The following ZFPM1 variants were observed in gnomAD, a reference collection of about 807,000 sequenced individuals.
ZFPM1 encodes the protein zinc finger protein ZFPM1.
A neutral mutation model predicts 46.3 loss-of-function variants in ZFPM1; 28 were observed. The observed-to-expected ratio is 0.60, with a 90% CI of 0.45 to 0.83. The LOEUF (loss-of-function observed/expected upper bound fraction) is 0.83. ZFPM1 is among the 40% of genes least tolerant of loss of function. The pLI, the probability that ZFPM1 is intolerant of heterozygous loss-of-function variation, is 0.00. For missense variants in ZFPM1, 1,878 were observed against 1,432.4 expected (o/e 1.31, Z -5.02); for synonymous variants, 957 against 675.9 (o/e 1.42, Z -6.45).
Position 88,533,816 on chromosome 16 carries a change from GGCCCGGCCCGCGCGCCC to G in ZFPM1, c.1859_1875del (p.Gly620AlafsTer46). 1 of 1,036,004 alleles carries G rather than the reference GGCCCGGCCCGCGCGCCC, an allele frequency of 9.7e-7. No homozygotes were observed. 64.2% of individuals were successfully genotyped at this position (1,036,004 alleles called of 1,614,324 possible). A position where few individuals can be genotyped will look rare whatever the true frequency, so the allele number is the denominator to read the frequency against. On this transcript the variant is annotated frameshift_variant, in exon 10 of 10. Transcript: ENST00000319555. LOFTEE classifies it low-confidence loss of function (END_TRUNC). ...CGCGCGCAGGCCCAAGGCGCCCCCC[GGCCCGGCCCGCGCGCCC>G]CCCGGCCAGCCCGCCGAACCCGACG...
At chr16:88,488,682 G>T (rs1057216794) in intron 2 of ZFPM1, among the ~76,000 whole-genome samples, 1 of 152,150 alleles carries the variant, frequency 6.6e-6, no homozygotes, top group Admixed American at 6.5e-5. Flanking sequence ...GCAGGGCCTG[G>T]TGGAGGGGCC....
At chr16:88,499,157 G>A (rs1315338919) in intron 3 of ZFPM1, among the ~76,000 whole-genome samples, 2 of 151,920 alleles carry the variant, frequency 1.3e-5, no homozygotes, top group African/African-American at 2.4e-5. Flanking sequence ...CTGACCTCCC[G>A]CACCCACCCC....
intron 1 of ZFPM1, among the ~76,000 whole-genome samples, chr16:88,483,552 T>A (rs905647450): frequency 1.3e-5 from 2 of 152,114 alleles, no homozygotes; most frequent in African/African-American, 4.8e-5. Context: ...GCCCCTCCCA[T>A]CCCCGTGTTT....
chr16:88,498,084 C>T (rs1482637932), intron 3 of ZFPM1, among the ~76,000 whole-genome samples: 1 of 152,178 alleles, frequency 6.6e-6, no homozygotes. Flanking sequence ...GGAGGGGGCC[C>T]TGGCGGATGG....
chr16:88,495,682 A>G (rs1321616395), intron 3 of ZFPM1, among the ~76,000 whole-genome samples: 2 of 152,152 alleles, frequency 1.3e-5, no homozygotes. Flanking sequence ...TCAGAGGCCC[A>G]CAGGACTTGC....
chr16:88,494,202 G>A (rs1217635228), intron 3 of ZFPM1, among the ~76,000 whole-genome samples: 1 of 152,124 alleles, frequency 6.6e-6, no homozygotes, highest in Non-Finnish European at 1.5e-5. Context: ...GTTCTACGGG[G>A]AGAAGCCGCC....
chr16:88,511,838 C>G (rs868522827), intron 3 of ZFPM1, among the ~76,000 whole-genome samples: 3 of 152,334 alleles, frequency 2.0e-5, no homozygotes, highest in South Asian at 2.1e-4. Flanking sequence ...GCATCCACCC[C>G]CAAGAGGCAC....
chr16:88,455,797 GC>G (rs1012902782), intron 1 of ZFPM1, among the ~76,000 whole-genome samples: 3 of 152,110 alleles, frequency 2.0e-5, no homozygotes, highest in African/African-American at 7.2e-5. Flanking sequence ...GCAGGGCGAG[GC>G]GGGAGCGCGG....
chr16:88,514,384 C>T lies in ZFPM1; in HGVS notation c.269-3C>T. The T allele has an allele frequency of 6.4e-7, 1 of 1,564,026 alleles. No individual in the cohort carries two copies. The highest frequency in any genetic ancestry group is 8.7e-7 in the Non-Finnish European group (1 of 1,155,026). On this transcript the variant is annotated splice_region_variant and splice_polypyrimidine_tract_variant and intron_variant, in intron 3 of 9. Transcript: ENST00000319555. ...GCCTCATGCCTGCGATGTCTCTCTG[C>T]AGACGAGCTGGAGCCGGTGGTGCAG...
intron 1 of ZFPM1, among the ~76,000 whole-genome samples, chr16:88,468,078 C>T (rs1163907171): frequency 5.7e-5 from 8 of 141,178 alleles, no homozygotes; most frequent in African/African-American, 7.9e-5. Flanking sequence ...CCGACCCACC[C>T]GCGAGCCCAC....
At chr16:88,513,298 T>C (rs772467105) in intron 3 of ZFPM1, 1 of 152,266 alleles carries the variant, frequency 6.6e-6, no homozygotes, top group Non-Finnish European at 1.5e-5. Context: ...TGCCATCTTA[T>C]CTGCCCTGGG....
At chr16:88,526,075 G>A (rs541172717) in intron 4 of ZFPM1, among the ~76,000 whole-genome samples, 4 of 152,278 alleles carry the variant, frequency 2.6e-5, no homozygotes, top group Admixed American at 1.3e-4. Flanking sequence ...GGCCAGGGCC[G>A]ATCCAACACA....
chr16:88,526,080 AAC>A (rs1421547732), intron 4 of ZFPM1, among the ~76,000 whole-genome samples: 2 of 152,160 alleles, frequency 1.3e-5, no homozygotes, highest in South Asian at 4.1e-4. Flanking sequence ...GGGCCGATCC[AAC>A]ACAGTGCTGG....
At chr16:88,465,200 C>T (rs903446595) in intron 1 of ZFPM1, among the ~76,000 whole-genome samples, 1 of 152,208 alleles carries the variant, frequency 6.6e-6, no homozygotes, top group South Asian at 2.1e-4. Flanking sequence ...AGTTAGCTCA[C>T]AGCAGGGCCC....
At chr16:88,460,196 C>T (rs889232509) in intron 1 of ZFPM1, among the ~76,000 whole-genome samples, 2 of 152,160 alleles carry the variant, frequency 1.3e-5, no homozygotes, top group Non-Finnish European at 2.9e-5. Context: ...GGGTCTGGAC[C>T]AAGCCAAGCC....
Position 88,514,513 on chromosome 16 carries a change from C to A in ZFPM1, c.395C>A (p.Ala132Glu). The A allele has an allele frequency of 2.6e-6, 4 of 1,559,308 alleles. No homozygotes were observed. The highest frequency in any genetic ancestry group is 3.5e-6 in the Non-Finnish European group (4 of 1,152,428). The change falls in exon 4 of 10, where the codon GCG becomes GAG. Residue 132 changes from alanine to glutamate, a missense_variant. Physicochemically the swap from Ala to Glu is moderately radical, Grantham distance 107. Coordinates refer to ENST00000319555, the MANE Select transcript of ZFPM1 (RefSeq NM_153813.3). Reference sequence around the variant, plus strand: ...ACCAGAGCCTCATCCCCCAGGCAGGCGGAGCCGGTAAGAAGCCCCCATCCC... The same window carrying A: ...ACCAGAGCCTCATCCCCCAGGCAGGAGGAGCCGGTAAGAAGCCCCCATCCC... ...VQTRASSPRQAEPSPALTLLL... is the reference protein window; with the variant it reads ...VQTRASSPRQEEPSPALTLLL...
At chr16:88,506,505 C>T (rs187113000) in intron 3 of ZFPM1, among the ~76,000 whole-genome samples, 554 of 10,980 alleles carry the variant, frequency 0.05, 11 homozygotes, top group Non-Finnish European at 9.8e-3. Flanking sequence ...TGAATGGGGG[C>T]GGGCGGGCAG....
intron 1 of ZFPM1, among the ~76,000 whole-genome samples, chr16:88,461,470 C>G (rs977701228): frequency 3.3e-5 from 5 of 152,196 alleles, no homozygotes; most frequent in Non-Finnish European, 7.4e-5. Context: ...CCTGGCCTGG[C>G]CTTGCTGTGA....
intron 3 of ZFPM1, among the ~76,000 whole-genome samples, chr16:88,505,732 C>A (rs1162565990): frequency 1.3e-5 from 2 of 152,132 alleles, no homozygotes; most frequent in Non-Finnish European, 2.9e-5. Context: ...CCCACCCAGG[C>A]CCCCTGCGAT....
Sources: gnomAD v4.1 joint callset for allele counts (sites outside exome capture counted in the v4.1 genomes callset) on GRCh38, gnomAD v4.1.1 for gene constraint, MANE v1.5 for transcripts, NCBI Gene and HGNC (gene_info 2026-07-23, HGNC 2026-07-21) for gene names.